TXNDC5: variants seen among roughly 807,000 people sequenced by gnomAD.
TXNDC5 encodes thioredoxin domain-containing protein 5.
In TXNDC5, 44 loss-of-function variants were observed where a neutral mutation model predicts 52.6. The observed-to-expected ratio is 0.84, with a 90% CI of 0.66 to 1.08. The LOEUF is 1.08. TXNDC5 is among the 50% of genes least tolerant of loss of function. The probability of loss-of-function intolerance (pLI) is 0.00; values close to 1 mark genes in which losing one functional copy is unlikely to be tolerated. For synonymous variants in TXNDC5, 241 were observed against 234.4 expected (o/e 1.03, Z -0.26); for missense variants, 600 against 565.5 (o/e 1.06, Z -0.62).
At chr6:7,889,187 G>T in intron 6 of TXNDC5, 1 of 447,764 alleles carries the variant, frequency 2.2e-6, no homozygotes, top group Non-Finnish European at 4.0e-6. Context: ...ACCGGACCAA[G>T]TGCAAGCCTT....
At chr6:7,904,107 T>A (rs1451677810) in intron 2 of TXNDC5, among the ~76,000 whole-genome samples, 1 of 152,266 alleles carries the variant, frequency 6.6e-6, no homozygotes, top group Non-Finnish European at 1.5e-5. Flanking sequence ...TTTCAATTTC[T>A]ATTTCTTATA....
chr6:7,888,941 G>A (rs1581311476), intron 6 of TXNDC5, 93 bp from the exon 7 acceptor site: 1 of 1,472,150 alleles, frequency 6.8e-7, no homozygotes, highest in South Asian at 1.3e-5. Flanking sequence ...CCGGGTCAGA[G>A]CTCCCAGATG....
At position 7,904,573 on chromosome 6, in the gene TXNDC5, C is replaced by G. The variant is rs777120550; in HGVS notation, c.413+1G>C. On this transcript the variant is annotated splice_donor_variant, in intron 2 of 9. Transcript: ENST00000379757. LOFTEE classifies it high-confidence loss of function. ...AGTGTGCCCCCTTCCTTCCAACTTA[C>G]GTGGGGTATCCTCGCACCCCCTGGG... 1.9e-6 allele frequency: 3 copies of G among 1,613,830 alleles called. No homozygotes were observed. The highest frequency in any genetic ancestry group is 2.7e-5 in the African/African-American group (2 of 74,946).
chr6:7,903,977 T>G (rs1173871736), intron 2 of TXNDC5, among the ~76,000 whole-genome samples: 1 of 152,050 alleles, frequency 6.6e-6, no homozygotes, highest in Non-Finnish European at 1.5e-5. Context: ...TCAAGGGAGG[T>G]GCAGGAGAAA....
At chr6:7,903,935 A>C (rs1157149907) in intron 2 of TXNDC5, among the ~76,000 whole-genome samples, 2 of 152,210 alleles carry the variant, frequency 1.3e-5, no homozygotes. Context: ...CCTTCTGTGC[A>C]AACAGAGATA....
At chr6:7,901,507 G>C (rs1760566430) in intron 2 of TXNDC5, among the ~76,000 whole-genome samples, 2 of 152,182 alleles carry the variant, frequency 1.3e-5, no homozygotes, top group African/African-American at 2.4e-5. Flanking sequence ...CCATCTTCTT[G>C]TTGTTGGACT....
chr6:7,903,573 G>A (rs1194945969), intron 2 of TXNDC5, among the ~76,000 whole-genome samples: 2 of 152,166 alleles, frequency 1.3e-5, no homozygotes, highest in Admixed American at 6.5e-5. Flanking sequence ...ATTTGACTAC[G>A]ACTTCTAGGT....
intron 9 of TXNDC5, among the ~76,000 whole-genome samples, chr6:7,883,834 A>C (rs917039596): frequency 6.6e-6 from 1 of 152,184 alleles, no homozygotes; most frequent in South Asian, 2.1e-4. Context: ...AAAAATGACA[A>C]ATCTTCCAGG....
rs562689993 is a variant in TXNDC5, at chr6:7,888,992, G to C, written c.820-144C>G. The C allele has an allele frequency of 5.8e-5, 62 of 1,075,462 alleles. No individual in the cohort carries two copies. In the African/African-American group the frequency reaches 9.1e-4, roughly 16 times the overall value. The allele number at this position is 1,075,462 out of a possible 1,614,324, so 66.6% of individuals were successfully genotyped here. On this transcript the variant is annotated intron_variant, in intron 6 of 9. Coordinates refer to ENST00000379757, the MANE Select transcript of TXNDC5 (RefSeq NM_030810.5). Reference sequence around the variant, plus strand: ...AAAGTCTGCATGTTCATATTTAGACGGGAATGTAGAGAGGATAACTGAATG... The same window carrying C: ...AAAGTCTGCATGTTCATATTTAGACCGGAATGTAGAGAGGATAACTGAATG...
intron 7 of TXNDC5, among the ~76,000 whole-genome samples, chr6:7,888,343 C>T (rs1760071940): frequency 6.6e-6 from 1 of 152,090 alleles, no homozygotes; most frequent in South Asian, 2.1e-4. Flanking sequence ...GAATCAGGGC[C>T]CCGGGGCCAG....
chr6:7,881,578 T>A lies in TXNDC5; in HGVS notation c.*1566A>T, dbSNP rs1196881365. 9.2e-5 allele frequency: 14 copies of A among 152,282 alleles called. No individual in the cohort carries two copies. The highest frequency in any genetic ancestry group is 9.2e-4 in the Admixed American group (14 of 15,288). 9.4% of individuals were successfully genotyped at this position (152,282 alleles called of 1,614,324 possible). A position where few individuals can be genotyped will look rare whatever the true frequency, so the allele number is the denominator to read the frequency against. ...GTGTAAACAAACAAATTGTACCACT[T>A]TGATTTTCTTGGAATACAAGACTCG... On this transcript the variant is annotated 3_prime_UTR_variant, in exon 10 of 10. Coordinates refer to ENST00000379757, the MANE Select transcript of TXNDC5 (RefSeq NM_030810.5).
intron 1 of TXNDC5, chr6:7,910,079 A>G (rs779653492): frequency 1.0e-6 from 1 of 986,128 alleles, no homozygotes; most frequent in Non-Finnish European, 1.2e-6. Context: ...GGTTGAATTC[A>G]GGAGCGCGGC....
intron 6 of TXNDC5, 191 bp downstream of exon 6, chr6:7,889,304 T>C: frequency 5.4e-6 from 3 of 557,936 alleles, no homozygotes; most frequent in Admixed American, 3.1e-5. Flanking sequence ...CTGAAATGTT[T>C]CAAGGTTCAT....
At chr6:7,906,656 T>A (rs1194276978) in intron 1 of TXNDC5, among the ~76,000 whole-genome samples, 1 of 151,106 alleles carries the variant, frequency 6.6e-6, no homozygotes, top group Non-Finnish European at 1.5e-5. Context: ...ATCCCTGCTT[T>A]ATGAGATACT....
chr6:7,898,487 C>G (rs1191713235), intron 3 of TXNDC5, among the ~76,000 whole-genome samples: 1 of 152,140 alleles, frequency 6.6e-6, no homozygotes, highest in Admixed American at 6.5e-5. Context: ...CAACAGTAAG[C>G]GGCAAAGCTC....
intron 1 of TXNDC5, among the ~76,000 whole-genome samples, chr6:7,908,589 G>C (rs1389085424): frequency 6.6e-6 from 1 of 151,834 alleles, no homozygotes; most frequent in East Asian, 1.9e-4. Context: ...TGGGAGGCCA[G>C]GGCAGAAGTA....
intron 6 of TXNDC5, 172 bp downstream of exon 6, chr6:7,889,323 C>T (rs949410015): frequency 1.2e-5 from 7 of 600,280 alleles, no homozygotes; most frequent in South Asian, 4.5e-5. Flanking sequence ...ATCTCCACAA[C>T]CCAAATCTTA....
At chr6:7,907,165 C>CTT (rs55914910) in intron 1 of TXNDC5, among the ~76,000 whole-genome samples, 7 of 143,916 alleles carry the variant, frequency 4.9e-5, no homozygotes, top group African/African-American at 1.5e-4. Context: ...TTTTTTTTCC[C>CTT]TTTTTTTTTT....
intron 3 of TXNDC5, 143 bp from the exon 4 acceptor site, chr6:7,895,345 CTGAG>C (rs1760332044): frequency 1.4e-6 from 1 of 704,440 alleles, no homozygotes; most frequent in East Asian, 2.8e-5. Flanking sequence ...TGCTGCTGTG[CTGAG>C]TGAGGCCAGG....
Sources: gnomAD v4.1 joint callset for allele counts (sites outside exome capture counted in the v4.1 genomes callset) on GRCh38, gnomAD v4.1.1 for gene constraint, MANE v1.5 for transcripts, NCBI Gene and HGNC (gene_info 2026-07-23, HGNC 2026-07-21) for gene names.